PAM: variants seen among roughly 807,000 people sequenced by gnomAD.
PAM encodes peptidyl-glycine alpha-amidating monooxygenase.
In PAM, 72 loss-of-function variants were observed where a neutral mutation model predicts 122.1. The observed-to-expected ratio is 0.59, with a 90% confidence interval of 0.49 to 0.72. PAM has a LOEUF of 0.72. Ranked by LOEUF, PAM falls within the 30% of genes least tolerant of loss-of-function variation. The pLI is 0.00. For synonymous variants in PAM, 389 were observed against 404.4 expected (o/e 0.96, Z 0.46); for missense variants, 1,106 against 1,183.7 (o/e 0.93, Z 0.96).
Position 102,959,981 on chromosome 5 carries a change from T to A in PAM, c.1012T>A (p.Phe338Ile). ...TCTQNVAPDMFRTIPPEANIP... is the reference protein window; with the variant it reads ...TCTQNVAPDMIRTIPPEANIP... ...TACCCAGAATGTAGCTCCAGATATG[T>A]TCAGAACCATACCACCAGAGGCCAA... The change falls in exon 13 of 26, where the codon TTC (phenylalanine) becomes ATC (isoleucine). Residue 338 changes from phenylalanine (F) to isoleucine (I), a missense_variant. By Grantham distance (21) the Phe-to-Ile change is conservative. Transcript: ENST00000438793. 1 of 1,612,428 alleles carries A rather than the reference T, an allele frequency of 6.2e-7. No individual in the cohort carries two copies. Among genetic ancestry groups the A allele is most frequent in the Non-Finnish European group, 8.5e-7 (1 of 1,178,628 alleles).
intron 18 of PAM, 26 bp downstream of exon 18, chr5:103,005,252 A>G (rs1384557395): frequency 2.0e-6 from 2 of 995,512 alleles, no homozygotes; most frequent in Admixed American, 3.4e-5. Context: ...GTAATATTCA[A>G]ATTAGAAGCT....
intron 16 of PAM, among the ~76,000 whole-genome samples, chr5:102,993,246 C>A (rs1369042843): frequency 1.3e-5 from 2 of 152,062 alleles, no homozygotes; most frequent in East Asian, 3.9e-4. Context: ...AGTCTCTTGT[C>A]TGCCCTGGTG....
intron 7 of PAM, among the ~76,000 whole-genome samples, chr5:102,930,247 A>G (rs961769684): frequency 2.6e-5 from 4 of 152,180 alleles, no homozygotes; most frequent in African/African-American, 9.7e-5. Context: ...ATTGTATTCT[A>G]GTAGGTGAGA....
chr5:102,785,778 C>T (rs777776833), intron 1 of PAM, among the ~76,000 whole-genome samples: 1 of 151,896 alleles, frequency 6.6e-6, no homozygotes, highest in Non-Finnish European at 1.5e-5. Flanking sequence ...ATGTTTTTGT[C>T]TCGTTGGAAA....
intron 1 of PAM, among the ~76,000 whole-genome samples, chr5:102,802,216 T>G (rs923982266): frequency 2.0e-5 from 3 of 152,200 alleles, no homozygotes. Context: ...ATTAGAATCA[T>G]GAAATGTTGA....
chr5:102,882,784 A>C (rs1791720299), intron 3 of PAM, among the ~76,000 whole-genome samples: 2 of 152,160 alleles, frequency 1.3e-5, no homozygotes, highest in East Asian at 1.9e-4. Flanking sequence ...TTAGTCATAA[A>C]GTCTTTGCCT....
At chr5:102,982,979 AG>A (rs370645421) in intron 15 of PAM, among the ~76,000 whole-genome samples, 54 of 152,298 alleles carry the variant, frequency 3.5e-4, no homozygotes, top group African/African-American at 1.3e-3. Flanking sequence ...TCAGAAAAAC[AG>A]TTTATGATCT....
intron 7 of PAM, among the ~76,000 whole-genome samples, chr5:102,943,462 G>T (rs1755958366): frequency 6.6e-6 from 1 of 152,026 alleles, no homozygotes; most frequent in African/African-American, 2.4e-5. Context: ...AAGTACCACT[G>T]GTTACTTACC....
rs1360258310 is a variant in PAM at position 102,959,390 on chromosome 5, CT to C, written c.906-481del. ...AGTTAACCAAAAACAAGGTCCAGGA[CT>C]TTTGATGTTAAGAGGAAAAGCCATT... On this transcript the variant is annotated intron_variant, in intron 12 of 25. Coordinates refer to ENST00000438793, the MANE Select transcript of PAM (RefSeq NM_001177306.2). Among the ~76,000 whole-genome samples, 6 of 152,058 alleles carry C rather than the reference CT, an allele frequency of 3.9e-5. No homozygotes were observed. The East Asian group carries it at 1.2e-3, about 29-fold the overall frequency.
chr5:102,802,265 T>C (rs947259289), intron 1 of PAM, among the ~76,000 whole-genome samples: 1 of 152,244 alleles, frequency 6.6e-6, no homozygotes, highest in Non-Finnish European at 1.5e-5. Context: ...TCATGTATAA[T>C]TCCTTTGATT....
In PAM at chr5:102,948,382, C is replaced by G. The variant is rs1216778690; in HGVS notation, c.580C>G (p.Pro194Ala). ...AAATGTTATTTTTTTCTGCAGACAGCCTTTAATTGCTGGCATGTACCTTAT... is the reference window on the plus strand; with the variant it reads ...AAATGTTATTTTTTTCTGCAGACAGGCTTTAATTGCTGGCATGTACCTTAT... ...VSLHLTRLPQ[P>A]LIAGMYLMMS... is the part of the protein sequence containing the mutation. The change falls in exon 9 of 26, where the codon CCT (proline) becomes GCT (alanine). Residue 194 changes from proline to alanine, a missense_variant. Around this residue, in one of 3 missense-constraint regions of PAM, gnomAD observed 670 missense variants for 690.3 expected, o/e 0.97. Transcript: ENST00000438793. 7 of 1,567,264 alleles carry G rather than the reference C, an allele frequency of 4.5e-6. No individual in the cohort carries two copies. The Admixed American group carries it at 1.2e-4, about 27-fold the overall frequency.
At chr5:102,989,157 T>A (rs1170261788) in intron 15 of PAM, among the ~76,000 whole-genome samples, 1 of 152,188 alleles carries the variant, frequency 6.6e-6, no homozygotes, top group Admixed American at 6.6e-5. Context: ...CCTCAATTAG[T>A]ATAGATATAT....
rs148464551 is a variant in PAM, at chr5:102,932,483, T to A, written c.526+5815T>A. Among the ~76,000 whole-genome samples, 880 of 150,708 alleles carry A rather than the reference T, an allele frequency of 5.8e-3. 6 individuals are homozygous for A. Among genetic ancestry groups the A allele is most frequent in the African/African-American group, 0.02 (840 of 41,042 alleles). ...CTGGGTGACAGAGTAAGACTCCATCTCAAAATAAATAAATAAATAAATGTA... is the reference window on the plus strand; with the variant it reads ...CTGGGTGACAGAGTAAGACTCCATCACAAAATAAATAAATAAATAAATGTA... On this transcript the variant is annotated intron_variant, in intron 7 of 25. Transcript: ENST00000438793.
chr5:102,905,842 C>G (rs1165624161), intron 4 of PAM, among the ~76,000 whole-genome samples: 1 of 151,700 alleles, frequency 6.6e-6, no homozygotes, highest in Non-Finnish European at 1.5e-5. Context: ...AATGAGTAGT[C>G]TCTGTCTCAC....
intron 7 of PAM, among the ~76,000 whole-genome samples, chr5:102,935,369 G>A (rs143279965): frequency 5.9e-4 from 90 of 152,026 alleles, no homozygotes; most frequent in African/African-American, 2.0e-3. Context: ...ATATTTCTAA[G>A]GCAGCACATG....
At chr5:102,849,162 T>C (rs112063014) in intron 1 of PAM, among the ~76,000 whole-genome samples, 1,761 of 152,290 alleles carry the variant, frequency 0.012, 28 homozygotes, top group African/African-American at 0.039. Flanking sequence ...ATTGTCATTA[T>C]ATAAACCCCT....
rs534342551 is a variant in PAM, at chr5:102,968,470, C to T, written c.1163-5646C>T. 3.5e-4 allele frequency among the ~76,000 whole-genome samples: 53 copies of T among 152,254 alleles called. No individual in the cohort carries two copies. The South Asian group carries it at 7.5e-3, about 21-fold the overall frequency. Reference sequence around the variant, plus strand: ...ATTAAACGTATTAAACCGTATAAAGCATTCAGCAAAGTGAATGGATCATGC... The same window carrying T: ...ATTAAACGTATTAAACCGTATAAAGTATTCAGCAAAGTGAATGGATCATGC... On this transcript the variant is annotated intron_variant, in intron 14 of 25. Coordinates refer to ENST00000438793, the MANE Select transcript of PAM (RefSeq NM_001177306.2).
chr5:102,968,375 C>T (rs555197742), intron 14 of PAM, among the ~76,000 whole-genome samples: 3 of 152,278 alleles, frequency 2.0e-5, no homozygotes, highest in African/African-American at 7.2e-5. Context: ...TTCCTACCAG[C>T]TGTGCAGGTT....
At chr5:102,839,562 G>T (rs1229165195) in intron 1 of PAM, among the ~76,000 whole-genome samples, 1 of 150,450 alleles carries the variant, frequency 6.6e-6, no homozygotes, top group East Asian at 1.9e-4. Context: ...AAAAAATTGT[G>T]CCAGTTACAT....
Sources: allele counts gnomAD v4.1 joint callset (sites outside exome capture counted in the v4.1 genomes callset), GRCh38; gene constraint gnomAD v4.1.1; regional missense constraint gnomAD v4.1.1; transcripts MANE v1.5; gene names NCBI Gene and HGNC (gene_info 2026-07-23, HGNC 2026-07-21).